Variants in TCEA3 observed in about 807,000 individuals in gnomAD.
TCEA3 encodes the protein transcription elongation factor A3, also known as transcription elongation factor A protein 3.
TCEA3 carries 36 observed loss-of-function variants against 44.0 expected under a neutral mutation model. The ratio of observed to expected loss-of-function variants is 0.82; its 90% CI spans 0.63 to 1.08. TCEA3 has a LOEUF of 1.08. Among genes scored for constraint, TCEA3 ranks in the 50% least tolerant of loss-of-function variants. The pLI, the probability that TCEA3 is intolerant of heterozygous loss-of-function variation, is 0.00. For synonymous variants in TCEA3, 162 were observed against 159.7 expected, an observed-to-expected ratio of 1.01 and a Z score of -0.11; for missense variants, 392 against 441.2, an observed-to-expected ratio of 0.89 and a Z score of 1.00.
intron 5 of TCEA3, chr1:23,403,995 T>C (rs1401674657): frequency 1.6e-6 from 1 of 635,958 alleles, no homozygotes; most frequent in Admixed American, 2.2e-5. Flanking sequence ...GGGTGGGAGG[T>C]TGGATTTATC....
At chr1:23,415,016 T>C (rs1204097596) in intron 4 of TCEA3, among the ~76,000 whole-genome samples, 1 of 5,526 alleles carries the variant, frequency 1.8e-4, no homozygotes, top group African/African-American at 5.1e-4. Flanking sequence ...TTACTGTTCT[T>C]TTTTTTTTTT....
intron 4 of TCEA3, among the ~76,000 whole-genome samples, chr1:23,416,641 G>A (rs1012093887): frequency 5.3e-5 from 8 of 152,032 alleles, no homozygotes; most frequent in Admixed American, 3.3e-4. Flanking sequence ...ACAGGTGTGC[G>A]CTACCATGCC....
At chr1:23,384,787 C>T (rs1431288993) in intron 9 of TCEA3, among the ~76,000 whole-genome samples, 1 of 151,908 alleles carries the variant, frequency 6.6e-6, no homozygotes, top group Non-Finnish European at 1.5e-5. Context: ...CTGCCTCAGC[C>T]TCCTGAATAG....
intron 10 of TCEA3, among the ~76,000 whole-genome samples, chr1:23,382,315 C>A (rs1344877848): frequency 2.0e-5 from 3 of 152,230 alleles, no homozygotes; most frequent in African/African-American, 7.2e-5. Flanking sequence ...GCTGGAATTA[C>A]AGGCACGAGC....
intron 1 of TCEA3, chr1:23,423,814 C>G (rs1487848651): frequency 8.8e-6 from 4 of 455,962 alleles, no homozygotes; most frequent in Non-Finnish European, 1.8e-5. Flanking sequence ...TGGGTCTGCG[C>G]TCTGGCCAGG....
intron 5 of TCEA3, chr1:23,404,069 C>A: frequency 1.4e-6 from 1 of 700,004 alleles, no homozygotes; most frequent in South Asian, 1.5e-5. Flanking sequence ...ATCCTCCTGC[C>A]CCAGGTCTGA....
chr1:23,417,182 A>G lies in TCEA3; in HGVS notation c.380+67T>C. On this transcript the variant is annotated intron_variant, in intron 4 of 10. Coordinates refer to ENST00000450454, the MANE Select transcript of TCEA3 (RefSeq NM_003196.3). Reference sequence around the variant, plus strand: ...ATGAAAGGTTTAAATGAGATAATATACACTGAGTTGCTGTCAGAGGACGTG... The same window carrying G: ...ATGAAAGGTTTAAATGAGATAATATGCACTGAGTTGCTGTCAGAGGACGTG... 3 of 1,559,782 alleles carry G rather than the reference A, an allele frequency of 1.9e-6. 1 individual carries two copies. The highest frequency in any genetic ancestry group is 2.6e-6 in the Non-Finnish European group (3 of 1,144,414).
Position 23,387,430 on chromosome 1 carries a change from A to G in TCEA3, c.820-11T>C. ...ATCACTGGCCATTTCCTGGAGAAAA[A>G]AGAGTCTACCCTTCAGGGCTGAGGA... On this transcript the variant is annotated splice_polypyrimidine_tract_variant and intron_variant, in intron 8 of 10. Coordinates refer to ENST00000450454, the MANE Select transcript of TCEA3 (RefSeq NM_003196.3). 6.3e-7 allele frequency: 1 copy of G among 1,588,410 alleles called. No individual in the cohort carries two copies. The highest frequency in any genetic ancestry group is 8.6e-7 in the Non-Finnish European group (1 of 1,166,730).
At chr1:23,417,640 T>C (rs375456912) in intron 3 of TCEA3, among the ~76,000 whole-genome samples, 44 of 152,366 alleles carry the variant, frequency 2.9e-4, no homozygotes, top group Middle Eastern at 3.4e-3. Flanking sequence ...TGTGTGCATG[T>C]AGACATGTAC....
At chr1:23,394,816 G>A (rs1348632999) in intron 7 of TCEA3, among the ~76,000 whole-genome samples, 1 of 152,240 alleles carries the variant, frequency 6.6e-6, no homozygotes, top group Non-Finnish European at 1.5e-5. Flanking sequence ...CTGGAAGCCA[G>A]ACCCCTCCTG....
At chr1:23,384,294 C>A (rs367881397) in intron 10 of TCEA3, 52 bp downstream of exon 10, 9 of 1,612,646 alleles carry the variant, frequency 5.6e-6, no homozygotes, top group Non-Finnish European at 7.6e-6. Flanking sequence ...ACGCCTTATG[C>A]GGGCGAGGTA....
intron 4 of TCEA3, among the ~76,000 whole-genome samples, chr1:23,415,763 G>GT (rs1639870699): frequency 6.6e-6 from 1 of 152,182 alleles, no homozygotes; most frequent in African/African-American, 2.4e-5. Context: ...GCCAATTAGG[G>GT]TTTTTCCAAG....
intron 1 of TCEA3, among the ~76,000 whole-genome samples, chr1:23,421,708 T>C (rs1640071313): frequency 6.6e-6 from 1 of 152,224 alleles, no homozygotes; most frequent in East Asian, 1.9e-4. Flanking sequence ...GACAGTACAA[T>C]GTAGTAAAAC....
At position 23,418,105 on chromosome 1, in the gene TCEA3, C is replaced by T. The variant is rs1639946874; in HGVS notation, c.133-96G>A. The T allele has an allele frequency of 2.5e-6, 3 of 1,215,492 alleles. No homozygotes were observed. The African/African-American group carries it at 4.5e-5, about 18-fold the overall frequency. The allele number at this position is 1,215,492 out of a possible 1,614,324, so 75.3% of individuals were successfully genotyped here. On this transcript the variant is annotated intron_variant, in intron 2 of 10. Transcript: ENST00000450454. ...CCTGCCCCAGCTCTACCACCACCTC[C>T]CCTTCCAACCTGGACCCCCAGAGTC...
At chr1:23,384,281 A>T (rs995497789) in intron 10 of TCEA3, 65 bp downstream of exon 10, 2 of 1,612,450 alleles carry the variant, frequency 1.2e-6, no homozygotes, top group Non-Finnish European at 1.7e-6. Flanking sequence ...TTGTGGGTAC[A>T]CTACGCCTTA....
At position 23,417,962 on chromosome 1, in the gene TCEA3, T is replaced by G. The variant is rs1402045482; in HGVS notation, c.180A>C (p.Ser60=). 1 of 1,614,078 alleles carries G rather than the reference T, an allele frequency of 6.2e-7. No individual in the cohort carries two copies. Among genetic ancestry groups the G allele is most frequent in the South Asian group, 1.1e-5 (1 of 91,092 alleles). The part of the protein sequence containing the change: ...VAVNGVRKHC[S]DKEVVSLAKV... ...TGGCCAAGGACACCACCTCCTTGTC[T>G]GAGCAGTGCTTGCGGACCCCATTAA... is the stretch of plus-strand genomic sequence containing the variant. Residue 60 remains serine, a synonymous_variant, in exon 3 of 11, where the codon TCA becomes TCC. Coordinates refer to ENST00000450454, the MANE Select transcript of TCEA3 (RefSeq NM_003196.3).
Position 23,397,857 on chromosome 1 carries a change from T to G in TCEA3, c.542A>C (p.Tyr181Ser), listed in dbSNP as rs541929346. ...ASSMCLLAPC[Y>S]LTGDSVRDKC... ...GTCCCGGACAGAGTCCCCTGTGAGATAGCAGGGGGCCAGGAGACACATGGA... is the reference window on the plus strand; with the variant it reads ...GTCCCGGACAGAGTCCCCTGTGAGAGAGCAGGGGGCCAGGAGACACATGGA... The change falls in exon 6 of 11, where the codon TAT (tyrosine) becomes TCT (serine). Residue 181 changes from tyrosine to serine, a missense_variant. Coordinates refer to ENST00000450454, the MANE Select transcript of TCEA3 (RefSeq NM_003196.3). 1 of 1,613,916 alleles carries G rather than the reference T, an allele frequency of 6.2e-7. No individual in the cohort carries two copies.
intron 7 of TCEA3, among the ~76,000 whole-genome samples, chr1:23,395,860 T>C (rs1331791168): frequency 6.7e-6 from 1 of 148,244 alleles, no homozygotes; most frequent in East Asian, 2.0e-4. Flanking sequence ...TTTCAGTGGA[T>C]GGAGGAAAGG....
intron 5 of TCEA3, among the ~76,000 whole-genome samples, chr1:23,399,167 T>TATATATATATAC (rs1639320126): frequency 7.6e-6 from 1 of 131,662 alleles, no homozygotes; most frequent in Non-Finnish European, 1.6e-5. Context: ...TATATATATA[T>TATATATATATAC]ATATATATAT....
Sources: gnomAD v4.1 joint callset for allele counts (sites outside exome capture counted in the v4.1 genomes callset) on GRCh38, gnomAD v4.1.1 for gene constraint, MANE v1.5 for transcripts, NCBI Gene and HGNC (gene_info 2026-07-23, HGNC 2026-07-21) for gene names.